KLRG1: variants seen among roughly 807,000 people sequenced by gnomAD.
KLRG1 encodes killer cell lectin-like receptor subfamily G member 1.
In KLRG1, 16 loss-of-function variants were observed where a neutral mutation model predicts 21.8. That is an observed-to-expected ratio of 0.73 (90% confidence interval 0.50 to 1.11). The LOEUF is 1.11. KLRG1 is among the 50% of genes most tolerant of loss of function. The probability of loss-of-function intolerance (pLI) is 0.00; values close to 1 mark genes in which losing one functional copy is unlikely to be tolerated. For missense variants in KLRG1, 173 were observed against 218.3 expected, an observed-to-expected ratio of 0.79 and a Z score of 1.31; for synonymous variants, 69 against 75.9, an observed-to-expected ratio of 0.91 and a Z score of 0.47.
the KLRG1 span, among the ~76,000 whole-genome samples, chr12:9,134,590 C>G: frequency 2.6e-5 from 4 of 152,078 alleles, no homozygotes; most frequent in African/African-American, 9.7e-5. Flanking sequence ...TCAGTTTAGC[C>G]CCTGATAACC....
the KLRG1 span, chr12:9,091,166 C>T: frequency 1.3e-6 from 2 of 1,596,958 alleles, no homozygotes; most frequent in Non-Finnish European, 1.7e-6. Flanking sequence ...TACTTGATGG[C>T]TACCTTGTAT....
At position 9,004,619 on chromosome 12, in the gene KLRG1, A is replaced by G. The variant is rs559423386; in HGVS notation, c.358-4356A>G. On this transcript the variant is annotated intron_variant, in intron 3 of 4. Transcript: ENST00000356986. ...TCCCAAGTACATGTCACCAAGTACA[A>G]GCACATGCCACCATGCCTGGTTGGC... Among the ~76,000 whole-genome samples the G allele has an allele frequency of 5.9e-5, 9 of 152,210 alleles. No homozygotes were observed. In the East Asian group the frequency reaches 1.4e-3, roughly 23 times the overall value.
At chr12:9,158,620 C>T in the KLRG1 span, 1 of 1,596,756 alleles carries the variant, frequency 6.3e-7, no homozygotes, top group South Asian at 1.1e-5. Context: ...TTTCATTGAG[C>T]ACTTTACTGC....
At chr12:9,075,654 T>G in the KLRG1 span, among the ~76,000 whole-genome samples, 3 of 152,212 alleles carry the variant, frequency 2.0e-5, no homozygotes, top group African/African-American at 7.2e-5. Context: ...CTCTTGTTTC[T>G]TGAATAAGAG....
At chr12:9,117,860 A>G in the KLRG1 span, among the ~76,000 whole-genome samples, 1 of 152,198 alleles carries the variant, frequency 6.6e-6, no homozygotes, top group East Asian at 1.9e-4. Flanking sequence ...CATTTAGCCA[A>G]TATAAAATTG....
the KLRG1 span, among the ~76,000 whole-genome samples, chr12:9,076,166 T>C: frequency 6.6e-6 from 1 of 152,228 alleles, no homozygotes; most frequent in African/African-American, 2.4e-5. Flanking sequence ...TATTTTCTTA[T>C]GTTTAAGGTT....
chr12:9,131,179 A>G, the KLRG1 span, among the ~76,000 whole-genome samples: 28 of 152,020 alleles, frequency 1.8e-4, no homozygotes, highest in Non-Finnish European at 2.8e-4. Context: ...TGCTTTGATC[A>G]TTGTGTCTTT....
the KLRG1 span, among the ~76,000 whole-genome samples, chr12:9,131,303 T>G: frequency 2.0e-5 from 3 of 152,230 alleles, 1 homozygote; most frequent in Non-Finnish European, 4.4e-5. Flanking sequence ...ATGGATTTTC[T>G]TTTTAAAAGT....
intron 3 of KLRG1, among the ~76,000 whole-genome samples, chr12:9,006,101 A>C (rs1385884130): frequency 6.6e-6 from 1 of 152,190 alleles, no homozygotes; most frequent in African/African-American, 2.4e-5. Context: ...GAATGTTCCC[A>C]ACACAAAGAA....
chr12:9,165,273 C>T, the KLRG1 span: 4 of 1,614,006 alleles, frequency 2.5e-6, no homozygotes, highest in Admixed American at 6.7e-5. Flanking sequence ...GAAGAGATAC[C>T]AAGTCCAGCA....
At chr12:8,992,891 C>A (rs1947015866) in intron 2 of KLRG1, among the ~76,000 whole-genome samples, 2 of 151,902 alleles carry the variant, frequency 1.3e-5, no homozygotes, top group South Asian at 4.2e-4. Flanking sequence ...TCCCACCTTT[C>A]TTTCTTTTAA....
the KLRG1 span, among the ~76,000 whole-genome samples, chr12:9,037,857 G>T: frequency 2.0e-5 from 3 of 152,180 alleles, no homozygotes. Flanking sequence ...CAGGTGTGTG[G>T]TAGGCTCTTC....
At chr12:9,105,339 A>T in the KLRG1 span, among the ~76,000 whole-genome samples, 1 of 152,222 alleles carries the variant, frequency 6.6e-6, no homozygotes, top group African/African-American at 2.4e-5. Context: ...CAGCAATAAA[A>T]TGTACTTACA....
chr12:9,159,278 T>A, the KLRG1 span, among the ~76,000 whole-genome samples: 28 of 152,160 alleles, frequency 1.8e-4, no homozygotes, highest in African/African-American at 6.8e-4. Context: ...CTAAAAGTGT[T>A]CTCAATTTTG....
chr12:9,186,757 A>G, the KLRG1 span, among the ~76,000 whole-genome samples: 1 of 151,412 alleles, frequency 6.6e-6, no homozygotes, highest in East Asian at 1.9e-4. Flanking sequence ...AAGAACAGAA[A>G]ACCAAACACC....
At chr12:8,964,538 G>C (rs1438193523) in intron 1 of KLRG1, among the ~76,000 whole-genome samples, 4 of 152,124 alleles carry the variant, frequency 2.6e-5, no homozygotes, top group Admixed American at 2.0e-4. Flanking sequence ...GAGTTCTGTA[G>C]ATGTCTATTA....
At chr12:9,212,130 A>C in the KLRG1 span, among the ~76,000 whole-genome samples, 2 of 152,194 alleles carry the variant, frequency 1.3e-5, no homozygotes, top group Non-Finnish European at 2.9e-5. Context: ...AGAAAAGAGA[A>C]CCAAGTAACA....
chr12:9,061,875 G>A, the KLRG1 span, among the ~76,000 whole-genome samples: 1 of 152,174 alleles, frequency 6.6e-6, no homozygotes, highest in African/African-American at 2.4e-5. Flanking sequence ...GTAGCTAATA[G>A]CTAATATTTT....
the KLRG1 span, among the ~76,000 whole-genome samples, chr12:9,018,679 TAAAA>T: frequency 3.2e-5 from 4 of 123,368 alleles, no homozygotes; most frequent in Non-Finnish European, 6.9e-5. Context: ...CATCTCTATT[TAAAA>T]AAAAAAAAAA....
Sources: gnomAD v4.1 joint callset for allele counts (sites outside exome capture counted in the v4.1 genomes callset) on GRCh38, gnomAD v4.1.1 for gene constraint, MANE v1.5 for transcripts, NCBI Gene and HGNC (gene_info 2026-07-23, HGNC 2026-07-21) for gene names.